The following ERICH1 variants were observed in gnomAD, a reference collection of about 807,000 sequenced individuals.
ERICH1 encodes the protein glutamate rich 1.
A neutral mutation model predicts 39.6 loss-of-function variants in ERICH1; 56 were observed. That is an observed-to-expected ratio of 1.41 (90% CI 1.14 to 1.77). The LOEUF is 1.77. ERICH1 is among the 40% of genes most tolerant of loss of function. The pLI is 0.00. For synonymous variants in ERICH1, 313 were observed against 223.6 expected (o/e 1.40, Z -3.57); for missense variants, 826 against 575.4 (o/e 1.44, Z -4.45).
rs77629291 is a variant in ERICH1 at position 700,667 on chromosome 8, G to C, written c.170-8055C>G. 9.4e-3 allele frequency among the ~76,000 whole-genome samples: 1,432 copies of C among 152,278 alleles called. 18 individuals are homozygous for C. The highest frequency in any genetic ancestry group is 0.033 in the African/African-American group (1,371 of 41,556). ...ACTTATCACAGCTGTTTTATGTGCA[G>C]TAAAATGTCCCACTGCCTTGTGGCT... On this transcript the variant is annotated intron_variant, in intron 2 of 5. Transcript: ENST00000262109.
intron 2 of ERICH1, among the ~76,000 whole-genome samples, chr8:693,285 C>A (rs1326848035): frequency 6.6e-6 from 1 of 152,104 alleles, no homozygotes; most frequent in East Asian, 1.9e-4. Context: ...TTCAGGAGAT[C>A]GTGTCACATA....
intron 1 of ERICH1, among the ~76,000 whole-genome samples, chr8:723,919 C>G (rs1195758484): frequency 6.6e-6 from 1 of 151,966 alleles, no homozygotes; most frequent in Non-Finnish European, 1.5e-5. Flanking sequence ...CATCACTTCA[C>G]AAGAAAGAAA....
rs368038515 is a variant in ERICH1, at chr8:664,654, A to C, written c.1281T>G (p.Ala427=). 1.6e-5 allele frequency: 26 copies of C among 1,612,670 alleles called. No homozygotes were observed. The African/African-American group carries it at 2.9e-4, about 18-fold the overall frequency. ...MPPDHARVIS[A]FFSYWITHIL... ...TATGTGTGATCCAGTAACTAAAGAA[A>C]GCTGAGATTACTCTGGCATGGTCTA... The change falls in exon 6 of 6, where the codon GCT becomes GCG. Residue 427 remains alanine, a synonymous_variant. Transcript: ENST00000262109.
At chr8:614,993 A>C in exon 4 of ERICH1, 1 of 400,700 alleles carries the variant, frequency 2.5e-6, no homozygotes, top group Non-Finnish European at 4.4e-6. Context: ...AGCCAGTCAA[A>C]AGGACTTGGG....
intron 1 of ERICH1, among the ~76,000 whole-genome samples, chr8:730,404 GA>G (rs1439598243): frequency 6.6e-6 from 1 of 152,018 alleles, no homozygotes. Flanking sequence ...CATAGAGAAG[GA>G]AAAAAATTCA....
In ERICH1 at chr8:664,489, T is replaced by C; in HGVS notation, c.*114A>G. 7.4e-7 allele frequency: 1 copy of C among 1,353,244 alleles called. No homozygotes were observed. The allele number at this position is 1,353,244 out of a possible 1,614,324, so 83.8% of individuals were successfully genotyped here. A position where few individuals can be genotyped will look rare whatever the true frequency, so the allele number is the denominator to read the frequency against. ...CACCAGGAACAAACACGTGAATAAA[T>C]AATATGGCATAAATGTCTTTCAAGT... On this transcript the variant is annotated 3_prime_UTR_variant, in exon 6 of 6. Transcript: ENST00000262109.
In ERICH1 at chr8:687,560, C is replaced by G. The variant is rs78388745; in HGVS notation, c.304+4918G>C. Among the ~76,000 whole-genome samples, 205 of 152,272 alleles carry G rather than the reference C, an allele frequency of 1.3e-3. 6 individuals are homozygous for G. The East Asian group carries it at 0.036, about 27-fold the overall frequency. On this transcript the variant is annotated intron_variant, in intron 3 of 5. Transcript: ENST00000262109. ...AGGGGGCGCAGGGGAGAGGCGGGAA[C>G]CCGTGGAGGGAGGCAGCGGCGCAGG...
At chr8:625,286 G>A (rs1163205005) in intron 3 of ERICH1, among the ~76,000 whole-genome samples, 1 of 152,184 alleles carries the variant, frequency 6.6e-6, no homozygotes, top group East Asian at 1.9e-4. Flanking sequence ...CAATGGAATA[G>A]TAGCCACAAA....
At chr8:670,116 T>C (rs1156679548) in intron 4 of ERICH1, among the ~76,000 whole-genome samples, 4 of 152,342 alleles carry the variant, frequency 2.6e-5, no homozygotes, top group Middle Eastern at 3.4e-3. Flanking sequence ...CCTGTCTTCC[T>C]GGTCACTAAT....
chr8:664,763 G>C (rs1801937090), intron 5 of ERICH1, 87 bp from the exon 6 acceptor site: 3 of 1,092,998 alleles, frequency 2.7e-6, no homozygotes, highest in Non-Finnish European at 3.9e-6. Context: ...CGAGCCTTTG[G>C]GCCCAAAGTG....
At chr8:674,170 C>T in intron 3 of ERICH1, 123 bp from the exon 4 acceptor site, 1 of 1,140,508 alleles carries the variant, frequency 8.8e-7, no homozygotes, top group Non-Finnish European at 1.2e-6. Flanking sequence ...ACACTATTTA[C>T]TTCGGTGATT....
intron 3 of ERICH1, among the ~76,000 whole-genome samples, chr8:688,199 C>T (rs935498966): frequency 1.4e-5 from 2 of 145,668 alleles, no homozygotes; most frequent in Non-Finnish European, 3.0e-5. Context: ...CACGGCAAGG[C>T]CCCTGAGCCG....
rs1348966150 is a variant in ERICH1, at chr8:673,703, C to G, written c.649G>C (p.Asp217His). The G allele has an allele frequency of 2.5e-6, 4 of 1,614,178 alleles. No homozygotes were observed. The East Asian group carries it at 8.9e-5, about 36-fold the overall frequency. Reference sequence around the variant, plus strand: ...TCTTCCTCCCCGGCCAGTGTCGGGTCTTCCTCGCTGGTGTCCACACCATCC... The same window carrying G: ...TCTTCCTCCCCGGCCAGTGTCGGGTGTTCCTCGCTGGTGTCCACACCATCC... ...EEDGVDTSEE[D>H]PTLAGEEDVK... The change falls in exon 4 of 6, where the codon GAC becomes CAC. Residue 217 changes from aspartate to histidine, a missense_variant. Asp to His is a moderately conservative substitution (Grantham distance 81, BLOSUM62 -1). Transcript: ENST00000262109.
chr8:619,661 G>C (rs1287854081), intron 3 of ERICH1, among the ~76,000 whole-genome samples: 15 of 152,098 alleles, frequency 9.9e-5, no homozygotes, highest in Admixed American at 7.2e-4. Flanking sequence ...AAAGACTTAA[G>C]ATTATATACA....
chr8:695,417 TC>T (rs1440108467), intron 2 of ERICH1, among the ~76,000 whole-genome samples: 1 of 151,960 alleles, frequency 6.6e-6, no homozygotes, highest in African/African-American at 2.4e-5. Context: ...CTGACACAGA[TC>T]CTTACGCCGC....
intron 1 of ERICH1, among the ~76,000 whole-genome samples, chr8:724,532 G>A (rs561085635): frequency 1.7e-4 from 26 of 152,168 alleles, no homozygotes; most frequent in Admixed American, 1.6e-3. Context: ...CGACGGGGGC[G>A]GGACCTCAGA....
At chr8:694,262 T>C (rs1304332736) in intron 2 of ERICH1, among the ~76,000 whole-genome samples, 1 of 152,214 alleles carries the variant, frequency 6.6e-6, no homozygotes, top group Non-Finnish European at 1.5e-5. Flanking sequence ...AGCTGATTAA[T>C]TACTATGTCA....
chr8:631,286 C>T, intron 3 of ERICH1, among the ~76,000 whole-genome samples: 1 of 152,346 alleles, frequency 6.6e-6, no homozygotes, highest in East Asian at 1.9e-4. Flanking sequence ...CCCTGCTCCA[C>T]CTCTGTGAGT....
chr8:668,255 A>AT, intron 5 of ERICH1: 1 of 335,548 alleles, frequency 3.0e-6, no homozygotes, highest in Non-Finnish European at 5.6e-6. Flanking sequence ...GTTGGAGGTA[A>AT]GCAAAAATTT....
Sources: allele counts gnomAD v4.1 joint callset (sites outside exome capture counted in the v4.1 genomes callset), GRCh38; gene constraint gnomAD v4.1.1; transcripts MANE v1.5; gene names NCBI Gene and HGNC (gene_info 2026-07-23, HGNC 2026-07-21).